Variants in PHIP observed in about 807,000 individuals in gnomAD.
PHIP encodes the protein PH-interacting protein.
A neutral mutation model predicts 236.8 loss-of-function variants in PHIP; 54 were observed. The observed-to-expected ratio is 0.23, with a 90% CI of 0.18 to 0.29. The LOEUF (loss-of-function observed/expected upper bound fraction) is 0.29. Among genes scored for constraint, PHIP ranks in the 10% least tolerant of loss-of-function variants. The pLI, the probability that PHIP is intolerant of heterozygous loss-of-function variation, is 1.00. For synonymous variants in PHIP, 756 were observed against 718.9 expected (o/e 1.05, Z -0.83); for missense variants, 1,370 against 2,190.8 (o/e 0.63, Z 7.48).
chr6:79,066,129 A>G (rs1773610165), intron 4 of PHIP, among the ~76,000 whole-genome samples: 1 of 152,086 alleles, frequency 6.6e-6, no homozygotes, highest in African/African-American at 2.4e-5. Context: ...CAGGGGAAAA[A>G]TAACCCCTCA....
chr6:79,039,221 A>T, intron 7 of PHIP, among the ~76,000 whole-genome samples: 1 of 152,216 alleles, frequency 6.6e-6, no homozygotes. Flanking sequence ...AGCAGGTCAC[A>T]AAAGTATCTT....
chr6:78,956,032 T>G (rs1242532027), intron 32 of PHIP: 1 of 158,718 alleles, frequency 6.3e-6, no homozygotes, highest in East Asian at 1.8e-4. Flanking sequence ...TCCTAAAATT[T>G]TGTTCTTAAC....
chr6:78,994,295 T>C (rs909401832), intron 19 of PHIP, among the ~76,000 whole-genome samples: 3 of 152,140 alleles, frequency 2.0e-5, no homozygotes, highest in Non-Finnish European at 2.9e-5. Context: ...TATATGAACT[T>C]GGCCAGGCGC....
At chr6:79,072,152 G>A (rs1305379150) in intron 4 of PHIP, among the ~76,000 whole-genome samples, 1 of 152,198 alleles carries the variant, frequency 6.6e-6, no homozygotes, top group Non-Finnish European at 1.5e-5. Context: ...TGTGATGGTT[G>A]TAAATCTCAC....
chr6:78,971,116 A>T (rs1233506848), intron 24 of PHIP, among the ~76,000 whole-genome samples: 1 of 152,248 alleles, frequency 6.6e-6, no homozygotes. Context: ...TAAGATGAAA[A>T]GTTATTTTCT....
chr6:78,973,544 C>A (rs9350798), intron 24 of PHIP, among the ~76,000 whole-genome samples: 763 of 2,200 alleles, frequency 0.35, 348 homozygotes, highest in South Asian at 1. Context: ...CTTTAAATGT[C>A]AATGGACTAA....
chr6:79,013,700 T>C (rs1415775042), intron 15 of PHIP, among the ~76,000 whole-genome samples: 2 of 151,670 alleles, frequency 1.3e-5, no homozygotes, highest in Admixed American at 6.6e-5. Flanking sequence ...TTCACCTTTA[T>C]ATAACTGAAA....
At chr6:79,028,903 C>A (rs1771527770) in intron 7 of PHIP, among the ~76,000 whole-genome samples, 1 of 152,030 alleles carries the variant, frequency 6.6e-6, no homozygotes, top group African/African-American at 2.4e-5. Flanking sequence ...AGTCTTTTGA[C>A]CAAAATGTCA....
At position 78,960,316 on chromosome 6, in the gene PHIP, T is replaced by C. The variant is rs572255456; in HGVS notation, c.3656+1374A>G. Among the ~76,000 whole-genome samples the C allele has an allele frequency of 2.0e-5, 3 of 152,280 alleles. No individual in the cohort carries two copies. In the South Asian group the frequency reaches 6.2e-4, roughly 32 times the overall value. On this transcript the variant is annotated intron_variant, in intron 31 of 39. Coordinates refer to ENST00000275034, the MANE Select transcript of PHIP (RefSeq NM_017934.7). ...ATATTTCTAGTTGCAGTCCAACAAT[T>C]AGTGTATGTATACAAATAGTTCTTT...
intron 13 of PHIP, 66 bp from the exon 14 acceptor site, chr6:79,015,849 A>C (rs933488388): frequency 2.9e-6 from 3 of 1,035,530 alleles, no homozygotes; most frequent in Admixed American, 2.3e-5. Flanking sequence ...CAAAACATAT[A>C]ATCTATAATT....
intron 28 of PHIP, 69 bp from the exon 29 acceptor site, chr6:78,965,833 T>TA: frequency 8.5e-7 from 1 of 1,182,166 alleles, no homozygotes; most frequent in South Asian, 1.3e-5. Context: ...TAAAATCAAT[T>TA]ATCAAAATAA....
At position 78,963,079 on chromosome 6, in the gene PHIP, G is replaced by T; in HGVS notation, c.3535+18C>A. 1 of 1,558,560 alleles carries T rather than the reference G, an allele frequency of 6.4e-7. No homozygotes were observed. Among genetic ancestry groups the T allele is most frequent in the Non-Finnish European group, 8.7e-7 (1 of 1,155,736 alleles). ...TGTTCTGCCAGTTTTTTCTATACTC[G>T]CGTGTTGCTTTACTTACCTAGTGTC... On this transcript the variant is annotated intron_variant, in intron 30 of 39. Transcript: ENST00000275034.
At chr6:79,077,776 G>GGCCCCGCC in intron 2 of PHIP, 47 bp from the exon 3 acceptor site, 1 of 975,784 alleles carries the variant, frequency 1.0e-6, no homozygotes, top group Non-Finnish European at 1.2e-6. Flanking sequence ...CCCGGGCCGC[G>GGCCCCGCC]GCCCCGCCGC....
At chr6:78,961,433 A>C (rs1766770129) in intron 31 of PHIP, among the ~76,000 whole-genome samples, 1 of 152,092 alleles carries the variant, frequency 6.6e-6, no homozygotes, top group Admixed American at 6.6e-5. Flanking sequence ...TCTAGGAAAA[A>C]CTGTATCTAG....
At chr6:79,030,324 C>T (rs912018953) in intron 7 of PHIP, among the ~76,000 whole-genome samples, 3 of 152,112 alleles carry the variant, frequency 2.0e-5, no homozygotes, top group African/African-American at 7.2e-5. Flanking sequence ...TTAGAAATAC[C>T]TCAACTGACA....
intron 27 of PHIP, among the ~76,000 whole-genome samples, chr6:78,967,016 GAC>G (rs1306680703): frequency 7.2e-5 from 11 of 152,132 alleles, no homozygotes; most frequent in African/African-American, 2.7e-4. Flanking sequence ...TCCACATTTT[GAC>G]ACACAGTTAA....
chr6:79,031,009 TCTCGG>T (rs1477424281), intron 7 of PHIP, among the ~76,000 whole-genome samples: 1 of 152,112 alleles, frequency 6.6e-6, no homozygotes, highest in Non-Finnish European at 1.5e-5. Flanking sequence ...TGTAGTGCGA[TCTCGG>T]CTCACTGCAA....
chr6:78,982,037 A>G lies in PHIP; in HGVS notation c.2769+849T>C, dbSNP rs190382388. On this transcript the variant is annotated intron_variant, in intron 23 of 39. Transcript: ENST00000275034. ...TACTTTTTGAAAGCTCTGTGGGAAT[A>G]AAGACCCTACGGTCTCCTACTATTT... 8.1e-4 allele frequency among the ~76,000 whole-genome samples: 123 copies of G among 152,134 alleles called. 1 individual carries two copies. The highest frequency in any genetic ancestry group is 2.8e-3 in the African/African-American group (117 of 41,562).
intron 4 of PHIP, among the ~76,000 whole-genome samples, chr6:79,071,373 C>T (rs760574024): frequency 6.6e-6 from 1 of 152,130 alleles, no homozygotes; most frequent in Non-Finnish European, 1.5e-5. Context: ...CTCTATATTC[C>T]ATAGGTCCAA....
Sources: allele counts gnomAD v4.1 joint callset (sites outside exome capture counted in the v4.1 genomes callset), GRCh38; gene constraint gnomAD v4.1.1; transcripts MANE v1.5; gene names NCBI Gene and HGNC (gene_info 2026-07-23, HGNC 2026-07-21).